PPP1R12B: variants seen among roughly 807,000 people sequenced by gnomAD.
PPP1R12B encodes the protein protein phosphatase 1 regulatory subunit 12B, also known as myosin phosphatase target subunit 2.
A neutral mutation model predicts 126.1 loss-of-function variants in PPP1R12B; 76 were observed. The observed-to-expected ratio is 0.60, with a 90% CI of 0.50 to 0.73. The LOEUF is 0.73. Ranked by LOEUF, PPP1R12B falls within the 30% of genes least tolerant of loss-of-function variation. The probability of loss-of-function intolerance (pLI) is 0.00; values close to 1 mark genes in which losing one functional copy is unlikely to be tolerated. For missense variants in PPP1R12B, 1,052 were observed against 1,205.1 expected, an observed-to-expected ratio of 0.87 and a Z score of 1.88; for synonymous variants, 356 against 434.7, an observed-to-expected ratio of 0.82 and a Z score of 2.25.
intron 18 of PPP1R12B, among the ~76,000 whole-genome samples, chr1:202,543,781 A>G (rs1222068925): frequency 1.3e-5 from 2 of 152,214 alleles, no homozygotes; most frequent in East Asian, 1.9e-4. Flanking sequence ...CTCACTAGAG[A>G]AAATTTCATC....
chr1:202,535,614 GC>G (rs765941089), intron 18 of PPP1R12B, among the ~76,000 whole-genome samples: 2 of 152,168 alleles, frequency 1.3e-5, no homozygotes, highest in East Asian at 3.9e-4. Context: ...TTATAACAAC[GC>G]CCTAAAGTTT....
At chr1:202,572,093 C>G (rs1688659874) in intron 23 of PPP1R12B, among the ~76,000 whole-genome samples, 1 of 152,208 alleles carries the variant, frequency 6.6e-6, no homozygotes, top group South Asian at 2.1e-4. Flanking sequence ...GTTTAGCTCT[C>G]AAGCTCTTCA....
chr1:202,424,326 CTTT>C (rs34030338), intron 3 of PPP1R12B, among the ~76,000 whole-genome samples: 4 of 141,304 alleles, frequency 2.8e-5, no homozygotes, highest in Admixed American at 7.1e-5. Flanking sequence ...CAGGTTCTCT[CTTT>C]TTTTTTTTTT....
At chr1:202,437,047 C>T (rs919566507) in intron 9 of PPP1R12B, among the ~76,000 whole-genome samples, 26 of 152,078 alleles carry the variant, frequency 1.7e-4, no homozygotes, top group Non-Finnish European at 3.4e-4. Flanking sequence ...TTAGCTCATT[C>T]CTGGCAGGGC....
chr1:202,455,340 G>A (rs570311415), intron 13 of PPP1R12B, among the ~76,000 whole-genome samples: 3 of 152,200 alleles, frequency 2.0e-5, no homozygotes, highest in South Asian at 2.1e-4. Context: ...TCATCTTAGA[G>A]AGAAATCCTG....
At chr1:202,554,022 A>G (rs973460222) in intron 18 of PPP1R12B, among the ~76,000 whole-genome samples, 1 of 152,188 alleles carries the variant, frequency 6.6e-6, no homozygotes, top group African/African-American at 2.4e-5. Context: ...ATGAAGAGGA[A>G]AAATTAAAGT....
intron 1 of PPP1R12B, among the ~76,000 whole-genome samples, chr1:202,361,148 C>A (rs1658131320): frequency 6.6e-6 from 1 of 152,206 alleles, no homozygotes; most frequent in Non-Finnish European, 1.5e-5. Context: ...CCGCCTCGGC[C>A]TCCCAAAGTG....
chr1:202,496,670 A>G, intron 17 of PPP1R12B, 111 bp from the exon 18 acceptor site: 2 of 919,894 alleles, frequency 2.2e-6, no homozygotes, highest in East Asian at 2.6e-5. Flanking sequence ...GTCAATTCTC[A>G]TTGCCCATGT....
At chr1:202,575,085 G>A (rs373708152) in intron 23 of PPP1R12B, 193 of 1,613,542 alleles carry the variant, frequency 1.2e-4, no homozygotes, top group Non-Finnish European at 1.5e-4. Context: ...TGACCCGAGT[G>A]GTGGCCAGAC....
At chr1:202,547,912 A>G (rs1685818498) in intron 18 of PPP1R12B, among the ~76,000 whole-genome samples, 1 of 152,244 alleles carries the variant, frequency 6.6e-6, no homozygotes, top group African/African-American at 2.4e-5. Context: ...AAGAGAGAGA[A>G]TAGAAAAAAG....
rs115001183 is a variant in PPP1R12B, at chr1:202,559,517, C to A, written c.2507+624C>A. ...GGAATGACCCTCTGCAGTTTTTCACCTAGTATCTAAGGGTACAAAACTAAT... is the reference window on the plus strand; with the variant it reads ...GGAATGACCCTCTGCAGTTTTTCACATAGTATCTAAGGGTACAAAACTAAT... On this transcript the variant is annotated intron_variant, in intron 19 of 23. Coordinates refer to ENST00000608999, the MANE Select transcript of PPP1R12B (RefSeq NM_002481.4). 3.0e-3 allele frequency among the ~76,000 whole-genome samples: 461 copies of A among 152,172 alleles called. 3 individuals are homozygous for A. The highest frequency in any genetic ancestry group is 0.011 in the African/African-American group (442 of 41,516).
At chr1:202,463,975 T>C (rs1362704397) in intron 13 of PPP1R12B, among the ~76,000 whole-genome samples, 1 of 152,210 alleles carries the variant, frequency 6.6e-6, no homozygotes, top group African/African-American at 2.4e-5. Context: ...CATTTTACTT[T>C]CATGACCCTC....
intron 1 of PPP1R12B, among the ~76,000 whole-genome samples, chr1:202,393,756 A>G (rs749765702): frequency 6.6e-6 from 1 of 152,234 alleles, no homozygotes; most frequent in Admixed American, 6.5e-5. Flanking sequence ...TTTTGCTGCT[A>G]TGAACAAAAG....
At chr1:202,420,631 T>C (rs1668619135) in intron 2 of PPP1R12B, among the ~76,000 whole-genome samples, 1 of 152,152 alleles carries the variant, frequency 6.6e-6, no homozygotes, top group African/African-American at 2.4e-5. Context: ...GAATATTCCT[T>C]TTGCTTAAGG....
At chr1:202,391,656 T>C (rs997490755) in intron 1 of PPP1R12B, among the ~76,000 whole-genome samples, 6 of 77,518 alleles carry the variant, frequency 7.7e-5, no homozygotes, top group South Asian at 5.5e-4. Context: ...TATCTTCAGG[T>C]GTACTGAAGA....
chr1:202,468,572 G>T (rs548767063), intron 13 of PPP1R12B, among the ~76,000 whole-genome samples: 2 of 152,100 alleles, frequency 1.3e-5, no homozygotes, highest in Non-Finnish European at 2.9e-5. Context: ...GGCAATTTTT[G>T]TCTTAAATTT....
chr1:202,381,703 C>T (rs1237777165), intron 1 of PPP1R12B, among the ~76,000 whole-genome samples: 5 of 152,132 alleles, frequency 3.3e-5, no homozygotes, highest in Admixed American at 2.6e-4. Context: ...AGGATATCTA[C>T]AAATAATTCC....
At chr1:202,543,609 C>A (rs1201987940) in intron 18 of PPP1R12B, among the ~76,000 whole-genome samples, 2 of 152,048 alleles carry the variant, frequency 1.3e-5, no homozygotes, top group Admixed American at 6.6e-5. Flanking sequence ...GGCATGGTGG[C>A]GGGCACCTGT....
chr1:202,425,467 G>A (rs1571952524), intron 3 of PPP1R12B, 99 bp from the exon 4 acceptor site: 1 of 1,289,634 alleles, frequency 7.8e-7, no homozygotes, highest in Non-Finnish European at 1.1e-6. Flanking sequence ...ATTGTTATTT[G>A]TATTTATGTT....
Sources: gnomAD v4.1 joint callset for allele counts (sites outside exome capture counted in the v4.1 genomes callset) on GRCh38, gnomAD v4.1.1 for gene constraint, MANE v1.5 for transcripts, NCBI Gene and HGNC (gene_info 2026-07-23, HGNC 2026-07-21) for gene names.